IGSF6: variants seen among roughly 807,000 people sequenced by gnomAD.
IGSF6 encodes the protein immunoglobulin superfamily member 6.
In IGSF6, 23 loss-of-function variants were observed where a neutral mutation model predicts 24.7. The ratio of observed to expected loss-of-function variants is 0.93; its 90% CI spans 0.67 to 1.32. The LOEUF is 1.32. Among genes scored for constraint, IGSF6 ranks in the 40% most tolerant of loss-of-function variants. The probability of loss-of-function intolerance (pLI) is 0.00; values close to 1 mark genes in which losing one functional copy is unlikely to be tolerated. For missense variants in IGSF6, 295 were observed against 293.6 expected, an observed-to-expected ratio of 1.00 and a Z score of -0.04; for synonymous variants, 110 against 113.7, an observed-to-expected ratio of 0.97 and a Z score of 0.21.
intron 1 of IGSF6, among the ~76,000 whole-genome samples, chr16:21,650,508 C>CA (rs3046229): frequency 0.044 from 3,988 of 89,772 alleles, 220 homozygotes; most frequent in African/African-American, 0.14. Context: ...ACTCTTGTCT[C>CA]AAAAAAAAAA....
At position 21,652,537 on chromosome 16, in the gene IGSF6, C is replaced by T. The variant is rs142541478; in HGVS notation, c.62G>A (p.Cys21Tyr). The change falls in exon 1 of 6, where the codon TGT becomes TAT. Residue 21 changes from cysteine (C) to tyrosine (Y), a missense_variant. By Grantham distance (194) the Cys-to-Tyr change is radical. Transcript: ENST00000268389. ...RHLQTNLILF[C>Y]VGAVGACTLS... is the part of the protein sequence containing the mutation. ...GAGAAGAAAAAGAACCTTACCGACACAAAATAGAATGAGATTGGTTTGCAG... is the reference window on the plus strand; with the variant it reads ...GAGAAGAAAAAGAACCTTACCGACATAAAATAGAATGAGATTGGTTTGCAG... 14 of 1,609,216 alleles carry T rather than the reference C, an allele frequency of 8.7e-6. No homozygotes were observed. The highest frequency in any genetic ancestry group is 5.1e-5 in the Admixed American group (3 of 59,280).
intron 1 of IGSF6, among the ~76,000 whole-genome samples, chr16:21,648,408 A>G (rs1381481751): frequency 2.0e-5 from 3 of 152,192 alleles, no homozygotes; most frequent in Non-Finnish European, 4.4e-5. Flanking sequence ...TGCCTAAGCT[A>G]TAGTAAGTAT....
chr16:21,649,972 T>C (rs564408787), intron 1 of IGSF6, among the ~76,000 whole-genome samples: 1 of 152,130 alleles, frequency 6.6e-6, no homozygotes, highest in East Asian at 1.9e-4. Flanking sequence ...GCCTTCCAAA[T>C]TGGGTAGTGT....
chr16:21,650,469 C>T (rs577585986), intron 1 of IGSF6, among the ~76,000 whole-genome samples: 95 of 143,614 alleles, frequency 6.6e-4, no homozygotes, highest in African/African-American at 2.1e-3. Context: ...GATTGTGCCA[C>T]TGCACTCTAG....
In IGSF6 at chr16:21,647,510, T is replaced by A; in HGVS notation, c.68-18A>T. ...CACAGCACCTGTGGGAGGAAGCAGA[T>A]GAGTGGGTTAATGGGCCTGCCACCT... On this transcript the variant is annotated intron_variant, in intron 1 of 5. Transcript: ENST00000268389. 1 of 1,597,366 alleles carries A rather than the reference T, an allele frequency of 6.3e-7. No homozygotes were observed. The highest frequency in any genetic ancestry group is 8.6e-7 in the Non-Finnish European group (1 of 1,168,302).
At chr16:21,651,234 A>C (rs146862750) in intron 1 of IGSF6, among the ~76,000 whole-genome samples, 4 of 152,146 alleles carry the variant, frequency 2.6e-5, no homozygotes, top group Non-Finnish European at 5.9e-5. Context: ...AACAAACAAA[A>C]AAGCCATATT....
chr16:21,645,384 T>C (rs1018518965), intron 2 of IGSF6, among the ~76,000 whole-genome samples: 7 of 151,872 alleles, frequency 4.6e-5, no homozygotes, highest in Non-Finnish European at 8.8e-5. Flanking sequence ...ACCCGGAAGG[T>C]GGAGGTTGGT....
intron 1 of IGSF6, among the ~76,000 whole-genome samples, chr16:21,651,041 G>A (rs1048961643): frequency 1.3e-5 from 2 of 152,156 alleles, no homozygotes; most frequent in South Asian, 4.1e-4. Context: ...GGCTAACACG[G>A]TGAAACGCTG....
At chr16:21,642,492 G>A (rs1966298220) in intron 5 of IGSF6, 1 of 152,144 alleles carries the variant, frequency 6.6e-6, no homozygotes, top group African/African-American at 2.4e-5. Context: ...CAAAGTATCT[G>A]TTCTATTGGC....
chr16:21,643,731 C>A, intron 3 of IGSF6, 133 bp from the exon 4 acceptor site: 1 of 605,342 alleles, frequency 1.7e-6, no homozygotes, highest in Non-Finnish European at 2.9e-6. Context: ...ATTTTTACAT[C>A]ATTTTTGAGA....
In IGSF6 at chr16:21,652,568, G is replaced by A. The variant is rs758599428; in HGVS notation, c.31C>T (p.Arg11Cys). The A allele has an allele frequency of 9.9e-6, 16 of 1,610,962 alleles. No homozygotes were observed. Among genetic ancestry groups the A allele is most frequent in the African/African-American group, 2.7e-5 (2 of 74,900 alleles). The change falls in exon 1 of 6, where the codon CGC becomes TGC. Residue 11 changes from arginine to cysteine, a missense_variant. Physicochemically the swap from Arg to Cys is radical, Grantham distance 180. Coordinates refer to ENST00000268389, the MANE Select transcript of IGSF6 (RefSeq NM_005849.4). Reference protein sequence around the residue: MGTASRSNIARHLQTNLILFC... With the variant: MGTASRSNIACHLQTNLILFC... ...AGAATGAGATTGGTTTGCAGATGGCGAGCGATGTTGCTTCTGCTCGCAGTC... is the reference window on the plus strand; with the variant it reads ...AGAATGAGATTGGTTTGCAGATGGCAAGCGATGTTGCTTCTGCTCGCAGTC...
rs573814599 is a variant in IGSF6 at position 21,639,712 on chromosome 16, C to G, written c.*1822G>C. The G allele has an allele frequency of 6.6e-6, 1 of 152,208 alleles. No homozygotes were observed. Among genetic ancestry groups the G allele is most frequent in the Admixed American group, 6.5e-5 (1 of 15,280 alleles). The allele number at this position is 152,208 out of a possible 1,614,324, so 9.4% of individuals were successfully genotyped here. On this transcript the variant is annotated 3_prime_UTR_variant, in exon 6 of 6. Transcript: ENST00000268389. ...CCACACATATACACATGTGCACTCA[C>G]GTGTACACACAGATACACACAAAAA...
At chr16:21,644,145 A>G in intron 3 of IGSF6, 145 bp downstream of exon 3, 1 of 603,216 alleles carries the variant, frequency 1.7e-6, no homozygotes, top group East Asian at 2.8e-5. Flanking sequence ...CCTCTTCTGC[A>G]GGTGGTGTTC....
chr16:21,647,169 T>C lies in IGSF6; in HGVS notation c.391A>G (p.Lys131Glu), dbSNP rs770779016. Reference sequence around the variant, plus strand: ...AGTGTGGTCCCTCCTCCTGTCTGTTTAGCTCTCGCTTCCGGCACACTGGGG... The same window carrying C: ...AGTGTGGTCCCTCCTCCTGTCTGTTCAGCTCTCGCTTCCGGCACACTGGGG... ...AFPSVPEARA[K>E]QTGGGTTLVV... Residue 131 changes from lysine (K) to glutamate (E), a missense_variant, in exon 2 of 6, where the codon AAA (lysine) becomes GAA (glutamate). Transcript: ENST00000268389. 1.9e-6 allele frequency: 3 copies of C among 1,614,062 alleles called. No homozygotes were observed. The Admixed American group carries it at 5.0e-5, about 27-fold the overall frequency.
chr16:21,648,122 T>C (rs561672578), intron 1 of IGSF6, among the ~76,000 whole-genome samples: 1 of 152,282 alleles, frequency 6.6e-6, no homozygotes, highest in Non-Finnish European at 1.5e-5. Context: ...ATGTCTTTGA[T>C]TACTGAGCAG....
chr16:21,641,416 C>A lies in IGSF6; in HGVS notation c.*118G>T. On this transcript the variant is annotated 3_prime_UTR_variant, in exon 6 of 6. Coordinates refer to ENST00000268389, the MANE Select transcript of IGSF6 (RefSeq NM_005849.4). ...ACATTCTGACATCCTTCTTTGTAGCCAGTTGTCTTTTCAGTTTACCTTTAT... is the reference window on the plus strand; with the variant it reads ...ACATTCTGACATCCTTCTTTGTAGCAAGTTGTCTTTTCAGTTTACCTTTAT... 1 of 492,626 alleles carries A rather than the reference C, an allele frequency of 2.0e-6. No homozygotes were observed. Among genetic ancestry groups the A allele is most frequent in the Non-Finnish European group, 3.6e-6 (1 of 276,772 alleles). The allele number at this position is 492,626 out of a possible 1,614,324, so 30.5% of individuals were successfully genotyped here.
Position 21,644,220 on chromosome 16 carries a change from A to G in IGSF6, c.534+70T>C. On this transcript the variant is annotated intron_variant, in intron 3 of 5. Coordinates refer to ENST00000268389, the MANE Select transcript of IGSF6 (RefSeq NM_005849.4). ...GCTGAGGCCCATAACTTGTGGAGAG[A>G]TAGAAATTATTTTTCTTTTGATAAT... 4 of 1,124,614 alleles carry G rather than the reference A, an allele frequency of 3.6e-6. No homozygotes were observed. The South Asian group carries it at 5.0e-5, about 14-fold the overall frequency. 69.7% of individuals were successfully genotyped at this position (1,124,614 alleles called of 1,614,324 possible).
At chr16:21,647,106 C>T (rs1567346796) in intron 2 of IGSF6, 27 bp downstream of exon 2, 1 of 1,613,968 alleles carries the variant, frequency 6.2e-7, no homozygotes, top group East Asian at 2.2e-5. Context: ...TGCAATGATG[C>T]ACTGAAATAA....
chr16:21,646,953 C>A, intron 2 of IGSF6, 180 bp downstream of exon 2: 1 of 771,290 alleles, frequency 1.3e-6, no homozygotes, highest in Non-Finnish European at 2.2e-6. Flanking sequence ...CACGCCCAGC[C>A]AGTTGGAGTA....
Sources: gnomAD v4.1 joint callset for allele counts (sites outside exome capture counted in the v4.1 genomes callset) on GRCh38, gnomAD v4.1.1 for gene constraint, MANE v1.5 for transcripts, NCBI Gene and HGNC (gene_info 2026-07-23, HGNC 2026-07-21) for gene names.